The following IL7 variants were observed in gnomAD, a reference collection of about 807,000 sequenced individuals.
The protein encoded by IL7 is interleukin 7.
In IL7, 3 loss-of-function variants were observed where a neutral mutation model predicts 21.6. That is an observed-to-expected ratio of 0.14 (90% CI 0.06 to 0.36). IL7 has a LOEUF of 0.36. Among genes scored for constraint, IL7 ranks in the 10% least tolerant of loss-of-function variants. The pLI is 1.00. For missense variants in IL7, 175 were observed against 200.2 expected (o/e 0.87, Z 0.76); for synonymous variants, 62 against 68.1 (o/e 0.91, Z 0.44).
chr8:78,748,380 A>G (rs1213696728), intron 2 of IL7, among the ~76,000 whole-genome samples: 3 of 152,248 alleles, frequency 2.0e-5, no homozygotes, highest in African/African-American at 7.2e-5. Flanking sequence ...ATCTAGAAAT[A>G]CATGAATAGA....
chr8:78,755,769 T>C (rs1812326032), intron 2 of IL7, among the ~76,000 whole-genome samples: 1 of 152,062 alleles, frequency 6.6e-6, no homozygotes, highest in African/African-American at 2.4e-5. Context: ...AATCATGTCA[T>C]CTGCAAAGAG....
At chr8:78,767,975 G>A (rs1317571847) in intron 2 of IL7, among the ~76,000 whole-genome samples, 1 of 151,288 alleles carries the variant, frequency 6.6e-6, no homozygotes, top group African/African-American at 2.4e-5. Flanking sequence ...CTGTGTCCCT[G>A]TGTTCTCATT....
intron 2 of IL7, chr8:78,761,671 C>T: frequency 5.6e-6 from 9 of 1,611,976 alleles, no homozygotes; most frequent in South Asian, 2.2e-5. Flanking sequence ...CTCTCACTTC[C>T]CTGAGAGTTT....
At chr8:78,734,628 A>G (rs1811511661) in intron 5 of IL7, among the ~76,000 whole-genome samples, 1 of 152,224 alleles carries the variant, frequency 6.6e-6, no homozygotes, top group Admixed American at 6.6e-5. Context: ...CAGGGTTAAA[A>G]TCAACATAGT....
At chr8:78,712,237 T>C (rs1214054906) in intron 3 of IL7, 2 of 394,336 alleles carry the variant, frequency 5.1e-6, no homozygotes, top group African/African-American at 4.4e-5. Context: ...AGCCAAAATG[T>C]GTCAAATAAT....
At chr8:78,703,551 T>TA (rs1810675312) in intron 3 of IL7, among the ~76,000 whole-genome samples, 1 of 151,672 alleles carries the variant, frequency 6.6e-6, no homozygotes, top group African/African-American at 2.4e-5. Flanking sequence ...TTTTTTTTTT[T>TA]TAAATCTTTG....
Position 78,804,910 on chromosome 8 carries a change from T to G in IL7, c.10+3A>C. The G allele has an allele frequency of 1.2e-6, 2 of 1,613,140 alleles. No homozygotes were observed. Among genetic ancestry groups the G allele is most frequent in the Non-Finnish European group, 1.7e-6 (2 of 1,179,398 alleles). On this transcript the variant is annotated splice_donor_region_variant and intron_variant, in intron 1 of 5. Transcript: ENST00000263851. ...CTTGTGCGCAAGGGAGAAGAGCGCT[T>G]ACCATGGAACATGGTCTGCGGGAGG...
rs756265271 is a variant in IL7, at chr8:78,733,754, T to C, written c.493A>G (p.Thr165Ala). The change falls in exon 6 of 6, where the codon ACT becomes GCT. Residue 165 changes from threonine to alanine, a missense_variant. Thr to Ala is a moderately conservative substitution (Grantham distance 58). Transcript: ENST00000263851. ...FLKRLLQEIK[T>A]CWNKILMGTK... ...CCCATCAAAATTTTATTCCAACAAG[T>C]TTTTATCTCTTGTAATAGTCTCTTT... 6.2e-7 allele frequency: 1 copy of C among 1,601,946 alleles called. No individual in the cohort carries two copies. Among genetic ancestry groups the C allele is most frequent in the African/African-American group, 1.3e-5 (1 of 74,338 alleles).
chr8:78,754,696 G>A (rs963021163), intron 2 of IL7, among the ~76,000 whole-genome samples: 1 of 152,094 alleles, frequency 6.6e-6, no homozygotes. Flanking sequence ...TTGTTTTGCT[G>A]TTGAGCTGTA....
At chr8:78,746,553 A>T (rs1811983493) in intron 2 of IL7, among the ~76,000 whole-genome samples, 3 of 152,202 alleles carry the variant, frequency 2.0e-5, no homozygotes, top group South Asian at 2.1e-4. Context: ...GCTTGCAGTG[A>T]GTCACTAATT....
chr8:78,768,824 A>C (rs1302442090), intron 2 of IL7, among the ~76,000 whole-genome samples: 1 of 152,152 alleles, frequency 6.6e-6, no homozygotes, highest in African/African-American at 2.4e-5. Context: ...CACGTCAAGA[A>C]GCTTATCCAC....
intron 3 of IL7, chr8:78,712,137 T>TCTGAAAAA: frequency 8.2e-7 from 1 of 1,215,416 alleles, no homozygotes; most frequent in Non-Finnish European, 1.1e-6. Flanking sequence ...TTGGTTAATA[T>TCTGAAAAA]TTTTCAGATA....
At chr8:78,706,789 A>G (rs1810787067) in intron 3 of IL7, among the ~76,000 whole-genome samples, 2 of 152,184 alleles carry the variant, frequency 1.3e-5, no homozygotes, top group Admixed American at 1.3e-4. Flanking sequence ...ATATCTGTCA[A>G]ATGATAGTAA....
At chr8:78,771,082 C>G (rs550167400) in intron 2 of IL7, among the ~76,000 whole-genome samples, 23 of 152,166 alleles carry the variant, frequency 1.5e-4, no homozygotes, top group African/African-American at 5.5e-4. Flanking sequence ...CTAATGTTCC[C>G]ACTCCATTTG....
chr8:78,735,801 G>A (rs117979404), intron 5 of IL7, among the ~76,000 whole-genome samples: 2,048 of 152,126 alleles, frequency 0.013, 26 homozygotes, highest in South Asian at 0.031. Flanking sequence ...GTAGCTATTG[G>A]TCAAATAATG....
chr8:78,736,275 T>C (rs1417077610), intron 5 of IL7, among the ~76,000 whole-genome samples, 199 bp downstream of exon 5: 1 of 151,918 alleles, frequency 6.6e-6, no homozygotes, highest in Non-Finnish European at 1.5e-5. Context: ...TAACAGCTTC[T>C]ATTTTAAAAT....
intron 2 of IL7, among the ~76,000 whole-genome samples, chr8:78,742,624 A>G (rs754696896): frequency 6.6e-6 from 1 of 152,190 alleles, no homozygotes; most frequent in Non-Finnish European, 1.5e-5. Flanking sequence ...AGCCCTCTGA[A>G]TTTGACTATA....
intron 3 of IL7, among the ~76,000 whole-genome samples, chr8:78,691,628 T>C (rs952121331): frequency 2.6e-5 from 4 of 152,140 alleles, no homozygotes; most frequent in Non-Finnish European, 4.4e-5. Context: ...CCTTTTGTAA[T>C]TTTTTTAAAA....
chr8:78,775,024 C>A (rs1326393776), intron 2 of IL7, among the ~76,000 whole-genome samples: 1 of 152,032 alleles, frequency 6.6e-6, no homozygotes, highest in Non-Finnish European at 1.5e-5. Flanking sequence ...TAAACCCATT[C>A]TTTAACTTGT....
Sources: gnomAD v4.1 joint callset for allele counts (sites outside exome capture counted in the v4.1 genomes callset) on GRCh38, gnomAD v4.1.1 for gene constraint, MANE v1.5 for transcripts, NCBI Gene and HGNC (gene_info 2026-07-23, HGNC 2026-07-21) for gene names.